The following ZNF132 variants were observed in gnomAD, a reference collection of about 807,000 sequenced individuals.
ZNF132 encodes the protein zinc finger protein 132 (clone pHZ-12).
ZNF132 carries 6 observed loss-of-function variants against 9.3 expected under a neutral mutation model. The ratio of observed to expected loss-of-function variants is 0.65; its 90% confidence interval spans 0.35 to 1.28. The LOEUF is 1.28. Among genes scored for constraint, ZNF132 ranks in the 50% most tolerant of loss-of-function variants. ZNF132 has a pLI of 0.03. For synonymous variants in ZNF132, 296 were observed against 292.0 expected, an observed-to-expected ratio of 1.01 and a Z score of -0.14; for missense variants, 877 against 843.2, an observed-to-expected ratio of 1.04 and a Z score of -0.50.
At chr19:58,435,571 T>G in intron 2 of ZNF132, 1 of 185,704 alleles carries the variant, frequency 5.4e-6, no homozygotes, top group Non-Finnish European at 1.1e-5. Context: ...AGATACCACT[T>G]CACATCCACT....
In ZNF132 at chr19:58,435,203, G is replaced by A; in HGVS notation, c.241C>T (p.His81Tyr). The A allele has an allele frequency of 1.2e-6, 2 of 1,604,358 alleles. No individual in the cohort carries two copies. The highest frequency in any genetic ancestry group is 1.7e-6 in the Non-Finnish European group (2 of 1,174,610). ...LELVTSLGSW[H>Y]GVEGEGAHPK... ...TGGGCCCCCTCACCCTCTACTCCAT[G>A]CCAAGAACCTGAAAGTAGAGAAATG... Residue 81 changes from histidine to tyrosine, a missense_variant, in exon 3 of 3, where the codon CAT becomes TAT. Transcript: ENST00000254166.
rs202071912 is a variant in ZNF132, at chr19:58,433,990, C to A, written c.1454G>T (p.Arg485Leu). The change falls in exon 3 of 3, where the codon CGG becomes CTG. Residue 485 changes from arginine (R) to leucine (L), a missense_variant. Transcript: ENST00000254166. ...ACCACAATCACAGCATTCAAAAGGC[C>A]GTTCTCCAGTGTGAACTTTCTGATG... Reference protein sequence around the residue: ...LRHQKVHTGERPFECCDCGKA... With the variant: ...LRHQKVHTGELPFECCDCGKA... The A allele has an allele frequency of 4.0e-5, 65 of 1,614,022 alleles. No homozygotes were observed. The East Asian group carries it at 1.4e-3, about 36-fold the overall frequency.
Position 58,433,151 on chromosome 19 carries a change from G to C in ZNF132, c.*172C>G. ...CTATGGCTTCTGCCTTATGCTGCAT[G>C]GGTGAGATGGCCCTGCAAAGGTTCC... On this transcript the variant is annotated 3_prime_UTR_variant, in exon 3 of 3. Transcript: ENST00000254166. 1 of 688,194 alleles carries C rather than the reference G, an allele frequency of 1.5e-6. No individual in the cohort carries two copies. Among genetic ancestry groups the C allele is most frequent in the Non-Finnish European group, 2.4e-6 (1 of 417,662 alleles). 42.6% of individuals were successfully genotyped at this position (688,194 alleles called of 1,614,324 possible).
At chr19:58,435,595 T>TA (rs927702863) in intron 2 of ZNF132, 30 of 164,832 alleles carry the variant, frequency 1.8e-4, no homozygotes, top group East Asian at 1.6e-3. Flanking sequence ...ATAGCTATAA[T>TA]AAAAAAAAAT....
Position 58,439,848 on chromosome 19 carries a change from C to G in ZNF132, c.-27G>C. 2 of 1,534,084 alleles carry G rather than the reference C, an allele frequency of 1.3e-6. No homozygotes were observed. The highest frequency in any genetic ancestry group is 1.2e-5 in the South Asian group (1 of 81,766). Reference sequence around the variant, plus strand: ...ACAGGAGGCCCAGGGCTAGCCCTGCCGCTGGGCCGAACCCTCACACTTCCG... The same window carrying G: ...ACAGGAGGCCCAGGGCTAGCCCTGCGGCTGGGCCGAACCCTCACACTTCCG... On this transcript the variant is annotated 5_prime_UTR_variant, in exon 1 of 3. Transcript: ENST00000254166.
Position 58,433,051 on chromosome 19 carries a change from C to G in ZNF132, c.*272G>C. ...TCCCTAGAGAACACAGGAAGGAAGG[C>G]TCAGGGTACTGTTTTCCCCATGCAT... is the stretch of plus-strand genomic sequence containing the variant. On this transcript the variant is annotated 3_prime_UTR_variant, in exon 3 of 3. Transcript: ENST00000254166. 2.8e-6 allele frequency: 1 copy of G among 357,204 alleles called. No homozygotes were observed. Among genetic ancestry groups the G allele is most frequent in the Non-Finnish European group, 5.2e-6 (1 of 193,630 alleles). The allele number at this position is 357,204 out of a possible 1,614,324, so 22.1% of individuals were successfully genotyped here.
Position 58,433,063 on chromosome 19 carries a change from T to A in ZNF132, c.*260A>T. 1 of 392,002 alleles carries A rather than the reference T, an allele frequency of 2.6e-6. No individual in the cohort carries two copies. The highest frequency in any genetic ancestry group is 2.3e-5 in the African/African-American group (1 of 42,918). The allele number at this position is 392,002 out of a possible 1,614,324, so 24.3% of individuals were successfully genotyped here. A position where few individuals can be genotyped will look rare whatever the true frequency, so the allele number is the denominator to read the frequency against. On this transcript the variant is annotated 3_prime_UTR_variant, in exon 3 of 3. Coordinates refer to ENST00000254166, the MANE Select transcript of ZNF132 (RefSeq NM_003433.4). ...ACAGGAAGGAAGGCTCAGGGTACTGTTTTCCCCATGCATGAGGACAGGACT... is the reference window on the plus strand; with the variant it reads ...ACAGGAAGGAAGGCTCAGGGTACTGATTTCCCCATGCATGAGGACAGGACT...
At position 58,433,196 on chromosome 19, in the gene ZNF132, G is replaced by C; in HGVS notation, c.*127C>G. 1.0e-6 allele frequency: 1 copy of C among 1,002,868 alleles called. No homozygotes were observed. 62.1% of individuals were successfully genotyped at this position (1,002,868 alleles called of 1,614,324 possible). Reference sequence around the variant, plus strand: ...GGTTCCTGGGCTGGTCAGAAACAGAGTAGCTTCTGAAGGCTTTTCCACATT... The same window carrying C: ...GGTTCCTGGGCTGGTCAGAAACAGACTAGCTTCTGAAGGCTTTTCCACATT... On this transcript the variant is annotated 3_prime_UTR_variant, in exon 3 of 3. Transcript: ENST00000254166.
Position 58,434,471 on chromosome 19 carries a change from C to T in ZNF132, c.973G>A (p.Gly325Arg), listed in dbSNP as rs1283283898. ...EVKYYECIACGKTFNHKLTFV... is the reference protein window; with the variant it reads ...EVKYYECIACRKTFNHKLTFV... Reference sequence around the variant, plus strand: ...GTGAGTTTGTGGTTGAAGGTTTTCCCACATGCAATGCACTCATAATATTTT... The same window carrying T: ...GTGAGTTTGTGGTTGAAGGTTTTCCTACATGCAATGCACTCATAATATTTT... Residue 325 changes from glycine to arginine, a missense_variant, in exon 3 of 3, where the codon GGG becomes AGG. Transcript: ENST00000254166. 3 of 1,614,200 alleles carry T rather than the reference C, an allele frequency of 1.9e-6. No homozygotes were observed. Among genetic ancestry groups the T allele is most frequent in the Non-Finnish European group, 8.5e-7 (1 of 1,180,048 alleles).
intron 1 of ZNF132, among the ~76,000 whole-genome samples, chr19:58,438,689 G>C (rs562142149): frequency 3.0e-4 from 45 of 151,834 alleles, no homozygotes; most frequent in Non-Finnish European, 6.0e-4. Flanking sequence ...TAGCCAGGAT[G>C]GTCTCAATCT....
chr19:58,438,194 T>A (rs2052783249), intron 1 of ZNF132, among the ~76,000 whole-genome samples: 2 of 152,232 alleles, frequency 1.3e-5, no homozygotes, highest in African/African-American at 4.8e-5. Flanking sequence ...TATGCTTCAC[T>A]GTTGTCCTAG....
In ZNF132 at chr19:58,434,670, G is replaced by A; in HGVS notation, c.774C>T (p.His258=). 2 of 1,614,236 alleles carry A rather than the reference G, an allele frequency of 1.2e-6. No individual in the cohort carries two copies. The highest frequency in any genetic ancestry group is 1.3e-5 in the African/African-American group (1 of 75,054). ...SSTLPNHLRT[H]SEEIPFTCPT... ...GGCATGTAAATGGTATCTCTTCAGAGTGAGTTCTCAGATGGTTGGGGAGAG... is the reference window on the plus strand; with the variant it reads ...GGCATGTAAATGGTATCTCTTCAGAATGAGTTCTCAGATGGTTGGGGAGAG... The change falls in exon 3 of 3, where the codon CAC becomes CAT. Residue 258 remains histidine (H), a synonymous_variant. Coordinates refer to ENST00000254166, the MANE Select transcript of ZNF132 (RefSeq NM_003433.4).
Position 58,433,904 on chromosome 19 carries a change from G to A in ZNF132, c.1540C>T (p.Pro514Ser). 1.2e-6 allele frequency: 2 copies of A among 1,614,144 alleles called. No individual in the cohort carries two copies. Among genetic ancestry groups the A allele is most frequent in the Non-Finnish European group, 1.7e-6 (2 of 1,180,018 alleles). ...TTCCTACATTCGCTGCACTCATAAG[G>A]CCTTTGCCCAGTATGTACTTTCTGG... ...QHQKVHTGQR[P>S]YECSECRKSF... Residue 514 changes from proline (P) to serine (S), a missense_variant, in exon 3 of 3, where the codon CCT becomes TCT. Transcript: ENST00000254166.
At position 58,433,562 on chromosome 19, in the gene ZNF132, C is replaced by T. The variant is rs758286151; in HGVS notation, c.1882G>A (p.Glu628Lys). 1.5e-5 allele frequency: 24 copies of T among 1,614,064 alleles called. No homozygotes were observed. The highest frequency in any genetic ancestry group is 1.1e-5 in the South Asian group (1 of 91,090). ...WRVHTGERPY[E>K]CSECGRAFSS... is the part of the protein sequence containing the mutation. Reference sequence around the variant, plus strand: ...AAGGCTCTCCCACATTCACTGCATTCGTAAGGCCTTTCTCCAGTGTGAACT... The same window carrying T: ...AAGGCTCTCCCACATTCACTGCATTTGTAAGGCCTTTCTCCAGTGTGAACT... Residue 628 changes from glutamate to lysine, a missense_variant, in exon 3 of 3, where the codon GAA becomes AAA. Coordinates refer to ENST00000254166, the MANE Select transcript of ZNF132 (RefSeq NM_003433.4).
Position 58,434,335 on chromosome 19 carries a change from G to T in ZNF132, c.1109C>A (p.Thr370Asn). Residue 370 changes from threonine to asparagine, a missense_variant, in exon 3 of 3, where the codon ACT becomes AAT. Coordinates refer to ENST00000254166, the MANE Select transcript of ZNF132 (RefSeq NM_003433.4). ...CAGGCACTCAAAAGGCCTTTCTCCA[G>T]TGTGAACTTTCTCATGCCGAATGAG... ...SHLIRHEKVH[T>N]GERPFECLKC... 6.2e-7 allele frequency: 1 copy of T among 1,614,246 alleles called. No individual in the cohort carries two copies. The highest frequency in any genetic ancestry group is 8.5e-7 in the Non-Finnish European group (1 of 1,180,044).
In ZNF132 at chr19:58,438,725, G is replaced by T. The variant is rs10417117; in HGVS notation, c.63+1034C>A. 1.4e-4 allele frequency among the ~76,000 whole-genome samples: 21 copies of T among 150,586 alleles called. No homozygotes were observed. In the Admixed American group the frequency reaches 1.4e-3, roughly 10 times the overall value. ...CCTGACCTAGTGATCCACCTGCCTCGGCCTCCCAAAGTGCTGGGATTACAG... is the reference window on the plus strand; with the variant it reads ...CCTGACCTAGTGATCCACCTGCCTCTGCCTCCCAAAGTGCTGGGATTACAG... On this transcript the variant is annotated intron_variant, in intron 1 of 2. Transcript: ENST00000254166.
rs529106435 is a variant in ZNF132 at position 58,440,059 on chromosome 19, C to G, written c.-238G>C. The G allele has an allele frequency of 7.6e-6, 4 of 529,242 alleles. No individual in the cohort carries two copies. The highest frequency in any genetic ancestry group is 1.3e-5 in the Non-Finnish European group (4 of 304,730). 32.8% of individuals were successfully genotyped at this position (529,242 alleles called of 1,614,324 possible). The stretch of plus-strand genomic sequence containing the variant: ...CCGGGCACTATGGTGCGTGTGAAGG[C>G]GCGGTGACGGTCCCTGCACCCACTC... On this transcript the variant is annotated 5_prime_UTR_variant, in exon 1 of 3. Transcript: ENST00000254166.
At position 58,435,075 on chromosome 19, in the gene ZNF132, C is replaced by G. The variant is rs780372231; in HGVS notation, c.369G>C (p.Leu123Phe). 1.9e-6 allele frequency: 3 copies of G among 1,614,106 alleles called. No homozygotes were observed. Among genetic ancestry groups the G allele is most frequent in the South Asian group, 1.1e-5 (1 of 91,070 alleles). Reference sequence around the variant, plus strand: ...GCTCAGCCAGGTGCAAAATGTCTTTCAAGAATGGCCCACACATGTCACAGG... The same window carrying G: ...GCTCAGCCAGGTGCAAAATGTCTTTGAAGAATGGCCCACACATGTCACAGG... ...ANSCDMCGPF[L>F]KDILHLAEHQ... Residue 123 changes from leucine to phenylalanine, a missense_variant, in exon 3 of 3, where the codon TTG (leucine) becomes TTC (phenylalanine). By Grantham distance (22) the Leu-to-Phe change is conservative. Coordinates refer to ENST00000254166, the MANE Select transcript of ZNF132 (RefSeq NM_003433.4).
chr19:58,439,913 C>A lies in ZNF132; in HGVS notation c.-92G>T. ...CACTCAGGACCTGTCTTCCCAAATG[C>A]AAAATGCGCGCAAGGCCTCTGGGCA... On this transcript the variant is annotated 5_prime_UTR_variant, in exon 1 of 3. Coordinates refer to ENST00000254166, the MANE Select transcript of ZNF132 (RefSeq NM_003433.4). The A allele has an allele frequency of 7.3e-7, 1 of 1,371,958 alleles. No individual in the cohort carries two copies. The highest frequency in any genetic ancestry group is 9.9e-7 in the Non-Finnish European group (1 of 1,011,608). 85.0% of individuals were successfully genotyped at this position (1,371,958 alleles called of 1,614,324 possible).
Sources: allele counts gnomAD v4.1 joint callset (sites outside exome capture counted in the v4.1 genomes callset), GRCh38; gene constraint gnomAD v4.1.1; transcripts MANE v1.5; gene names NCBI Gene and HGNC (gene_info 2026-07-23, HGNC 2026-07-21).